ZNF326: variants seen among roughly 807,000 people sequenced by gnomAD.
The protein encoded by ZNF326 is zinc finger protein 326.
Under a neutral mutation model 63.1 loss-of-function variants are expected in ZNF326, and 30 were observed. The ratio of observed to expected loss-of-function variants is 0.48; its 90% confidence interval spans 0.36 to 0.64. The LOEUF is 0.64. Ranked by LOEUF, ZNF326 falls within the 30% of genes least tolerant of loss-of-function variation. The pLI is 0.00. For synonymous variants in ZNF326, 194 were observed against 228.2 expected (o/e 0.85, Z 1.35); for missense variants, 609 against 720.3 (o/e 0.85, Z 1.77).
chr1:90,027,830 T>C lies in ZNF326; in HGVS notation c.*129T>C. 2 of 846,922 alleles carry C rather than the reference T, an allele frequency of 2.4e-6. No homozygotes were observed. Among genetic ancestry groups the C allele is most frequent in the African/African-American group, 3.5e-5 (2 of 57,456 alleles). 52.5% of individuals were successfully genotyped at this position (846,922 alleles called of 1,614,324 possible). A position where few individuals can be genotyped will look rare whatever the true frequency, so the allele number is the denominator to read the frequency against. On this transcript the variant is annotated 3_prime_UTR_variant, in exon 12 of 12. Coordinates refer to ENST00000340281, the MANE Select transcript of ZNF326 (RefSeq NM_182976.4). ...GCATTCCACATATTAAAATTTGTTT[T>C]ATATAATTTCTAAATGTTTAACATT...
intron 3 of ZNF326, 47 bp downstream of exon 3, chr1:90,005,085 C>T: frequency 6.2e-7 from 1 of 1,613,852 alleles, no homozygotes; most frequent in Non-Finnish European, 8.5e-7. Flanking sequence ...TTTTGAGTGC[C>T]AGTAAAGGTG....
intron 7 of ZNF326, among the ~76,000 whole-genome samples, chr1:90,016,729 GAAAA>G (rs1018850555): frequency 1.3e-5 from 2 of 150,738 alleles, no homozygotes; most frequent in Admixed American, 1.3e-4. Flanking sequence ...AAAAAAAAAA[GAAAA>G]AGAAAAAGAA....
intron 2 of ZNF326, among the ~76,000 whole-genome samples, chr1:90,003,339 AG>A (rs959131741): frequency 1.3e-5 from 2 of 152,044 alleles, no homozygotes; most frequent in African/African-American, 4.8e-5. Flanking sequence ...TCACTGTGTT[AG>A]CCAGGATGGT....
Position 90,030,342 on chromosome 1 carries a change from T to C in ZNF326, c.*2641T>C, listed in dbSNP as rs1650214948. 1 of 144,554 alleles carries C rather than the reference T, an allele frequency of 6.9e-6. No homozygotes were observed. The highest frequency in any genetic ancestry group is 2.6e-5 in the African/African-American group (1 of 37,842). 9.0% of individuals were successfully genotyped at this position (144,554 alleles called of 1,614,324 possible). A position where few individuals can be genotyped will look rare whatever the true frequency, so the allele number is the denominator to read the frequency against. ...ATTCAGATGATGTTAATCTCATGCT[T>C]TTTTTTTTTTTGTACCTATACAGTT... On this transcript the variant is annotated 3_prime_UTR_variant, in exon 12 of 12. Transcript: ENST00000340281.
intron 8 of ZNF326, 43 bp downstream of exon 8, chr1:90,017,507 A>C: frequency 6.6e-7 from 1 of 1,525,984 alleles, no homozygotes; most frequent in Non-Finnish European, 8.8e-7. Flanking sequence ...TATTGATATG[A>C]ATTTCTTATG....
At chr1:89,996,395 T>C (rs549118565) in intron 1 of ZNF326, among the ~76,000 whole-genome samples, 3 of 152,362 alleles carry the variant, frequency 2.0e-5, no homozygotes, top group Admixed American at 2.0e-4. Context: ...TAACATTTCA[T>C]GCAACAAAGA....
At position 90,007,775 on chromosome 1, in the gene ZNF326, A is replaced by G; in HGVS notation, c.615+25A>G. On this transcript the variant is annotated intron_variant, in intron 5 of 11. Transcript: ENST00000340281. This position sits in a 1 kb window ranked among gnomAD's most constrained non-coding sequence, Gnocchi z 4.9. ...AGTAAGTACAACAGAATCTTTTCAG[A>G]TTCTTTTCACTAGTCACTCTTTTAA... The G allele has an allele frequency of 6.8e-7, 1 of 1,478,062 alleles. No individual in the cohort carries two copies. Among genetic ancestry groups the G allele is most frequent in the Non-Finnish European group, 9.0e-7 (1 of 1,112,232 alleles). The allele number at this position is 1,478,062 out of a possible 1,614,324, so 91.6% of individuals were successfully genotyped here.
At chr1:90,019,345 G>A (rs1306408226) in intron 9 of ZNF326, among the ~76,000 whole-genome samples, 6 of 152,092 alleles carry the variant, frequency 3.9e-5, no homozygotes, top group Non-Finnish European at 8.8e-5. Flanking sequence ...CATCTCCCAT[G>A]TATTACATTA....
intron 2 of ZNF326, among the ~76,000 whole-genome samples, chr1:90,003,323 G>A (rs1648788183): frequency 6.6e-6 from 1 of 151,832 alleles, no homozygotes; most frequent in Non-Finnish European, 1.5e-5. Flanking sequence ...TAGTAGAGAC[G>A]GGGTTTCACT....
Position 90,034,493 on chromosome 1 carries a change from C to T in ZNF326, c.*6792C>T, listed in dbSNP as rs924391875. 1 of 152,050 alleles carries T rather than the reference C, an allele frequency of 6.6e-6. No individual in the cohort carries two copies. Among genetic ancestry groups the T allele is most frequent in the African/African-American group, 2.4e-5 (1 of 41,426 alleles). 9.4% of individuals were successfully genotyped at this position (152,050 alleles called of 1,614,324 possible). On this transcript the variant is annotated 3_prime_UTR_variant, in exon 12 of 12. Transcript: ENST00000340281. Reference sequence around the variant, plus strand: ...TTAATAGCTATAGAATATTTGTTTTCAAATGCCATGAAAAAATGACCATGA... The same window carrying T: ...TTAATAGCTATAGAATATTTGTTTTTAAATGCCATGAAAAAATGACCATGA...
At position 90,005,250 on chromosome 1, in the gene ZNF326, T is replaced by G. The variant is rs1232865689; in HGVS notation, c.209+6T>G. The stretch of plus-strand genomic sequence containing the variant: ...GGTGGTGGTGGGGGTAGCAGGTAAA[T>G]TGCTTAATCATTTGGCCAAATAATT... On this transcript the variant is annotated splice_donor_region_variant and intron_variant, in intron 4 of 11. Transcript: ENST00000340281. The G allele has an allele frequency of 6.2e-7, 1 of 1,607,430 alleles. No homozygotes were observed. The highest frequency in any genetic ancestry group is 1.7e-4 in the Middle Eastern group (1 of 6,016).
At chr1:89,997,380 C>CT (rs879468711) in intron 1 of ZNF326, among the ~76,000 whole-genome samples, 52 of 147,062 alleles carry the variant, frequency 3.5e-4, no homozygotes, top group South Asian at 6.5e-4. Flanking sequence ...ATCTTGAAAT[C>CT]TTTTTTTTTT....
intron 4 of ZNF326, 155 bp downstream of exon 4, chr1:90,005,399 T>C: frequency 7.3e-7 from 1 of 1,378,950 alleles, no homozygotes; most frequent in Non-Finnish European, 9.4e-7. Context: ...TTAATGGGTA[T>C]AAAATTTAAA....
chr1:90,006,389 T>C (rs1261596390), intron 4 of ZNF326: 1 of 984,394 alleles, frequency 1.0e-6, no homozygotes, highest in Non-Finnish European at 1.2e-6. Flanking sequence ...GTAGATGTTA[T>C]TGTTTTATCT....
intron 11 of ZNF326, 76 bp downstream of exon 11, chr1:90,022,421 T>C (rs1649816773): frequency 9.6e-6 from 10 of 1,038,366 alleles, no homozygotes; most frequent in Non-Finnish European, 1.5e-5. Flanking sequence ...AGTAACCTTT[T>C]GTGATACTTG....
chr1:90,013,779 T>A (rs1649363972), intron 7 of ZNF326, among the ~76,000 whole-genome samples: 1 of 152,032 alleles, frequency 6.6e-6, no homozygotes, highest in Non-Finnish European at 1.5e-5. Flanking sequence ...AAGAGGGGAA[T>A]TGGGCTAGGC....
intron 7 of ZNF326, among the ~76,000 whole-genome samples, chr1:90,013,822 G>C (rs1303392316): frequency 6.6e-6 from 1 of 152,084 alleles, no homozygotes; most frequent in Non-Finnish European, 1.5e-5. Flanking sequence ...CCAGCACTTT[G>C]GGAGGCCGAG....
intron 9 of ZNF326, 63 bp downstream of exon 9, chr1:90,018,847 T>A: frequency 1.1e-6 from 1 of 935,386 alleles, no homozygotes; most frequent in Non-Finnish European, 1.6e-6. Context: ...ATAACCTGTT[T>A]AAATGTAAAT....
chr1:90,017,548 ATTTATG>A, intron 8 of ZNF326, 84 bp downstream of exon 8: 1 of 1,280,680 alleles, frequency 7.8e-7, no homozygotes, highest in Non-Finnish European at 1.1e-6. Context: ...CATCTCTCAC[ATTTATG>A]TTTCTAAAAT....
Sources: allele counts gnomAD v4.1 joint callset (sites outside exome capture counted in the v4.1 genomes callset), GRCh38; gene constraint gnomAD v4.1.1; non-coding constraint Gnocchi (gnomAD v3.1); transcripts MANE v1.5; gene names NCBI Gene and HGNC (gene_info 2026-07-23, HGNC 2026-07-21).